SLCO1C1: variants seen among roughly 807,000 people sequenced by gnomAD.
The protein encoded by SLCO1C1 is solute carrier organic anion transporter family member 1C1, also known as OAT-RP-5.
In SLCO1C1, 70 loss-of-function variants were observed where a neutral mutation model predicts 76.4. That is an observed-to-expected ratio of 0.92 (90% CI 0.76 to 1.12). The LOEUF is 1.12. SLCO1C1 is among the 50% of genes most tolerant of loss of function. The pLI is 0.00. For missense variants in SLCO1C1, 912 were observed against 823.8 expected, an observed-to-expected ratio of 1.11 and a Z score of -1.31; for synonymous variants, 306 against 286.1, an observed-to-expected ratio of 1.07 and a Z score of -0.70.
At chr12:20,736,210 G>A (rs1227339012) in intron 10 of SLCO1C1, among the ~76,000 whole-genome samples, 1 of 151,722 alleles carries the variant, frequency 6.6e-6, no homozygotes, top group East Asian at 1.9e-4. Context: ...AAAAAAGTGA[G>A]GGAGAGAGAA....
intron 9 of SLCO1C1, among the ~76,000 whole-genome samples, chr12:20,725,550 T>C (rs906724684): frequency 6.8e-6 from 1 of 147,930 alleles, no homozygotes; most frequent in African/African-American, 2.5e-5. Context: ...GCCACTATGC[T>C]CATTTTTCAT....
At chr12:20,752,273 A>G (rs1453246101) in intron 14 of SLCO1C1, 33 bp from the exon 15 acceptor site, 2 of 1,390,706 alleles carry the variant, frequency 1.4e-6, no homozygotes, top group Non-Finnish European at 1.9e-6. Flanking sequence ...TGGTTGTTGC[A>G]TTAATTATAA....
At chr12:20,752,228 TATG>T in intron 14 of SLCO1C1, 75 bp from the exon 15 acceptor site, 2 of 918,206 alleles carry the variant, frequency 2.2e-6, no homozygotes, top group South Asian at 4.8e-5. Context: ...AAACCATCAG[TATG>T]ATATTATTAC....
At chr12:20,699,139 A>G (rs1262600711) in intron 1 of SLCO1C1, among the ~76,000 whole-genome samples, 1 of 152,076 alleles carries the variant, frequency 6.6e-6, no homozygotes, top group Non-Finnish European at 1.5e-5. Flanking sequence ...TTTGCTAAGA[A>G]GATAGATTTA....
At chr12:20,752,239 T>TA (rs1949343598) in intron 14 of SLCO1C1, 67 bp from the exon 15 acceptor site, 1 of 1,062,790 alleles carries the variant, frequency 9.4e-7, no homozygotes, top group Admixed American at 2.6e-5. Flanking sequence ...ATGATATTAT[T>TA]ACCTTTTAAA....
chr12:20,725,276 ATATATAT>A (rs929145065), intron 9 of SLCO1C1, among the ~76,000 whole-genome samples: 2 of 141,666 alleles, frequency 1.4e-5, no homozygotes, highest in African/African-American at 5.1e-5. Flanking sequence ...TATTAATATA[ATATATAT>A]TATATTATTT....
chr12:20,740,199 A>G lies in SLCO1C1; in HGVS notation c.1564A>G (p.Thr522Ala). The G allele has an allele frequency of 6.2e-7, 1 of 1,611,508 alleles. No individual in the cohort carries two copies. The highest frequency in any genetic ancestry group is 8.5e-7 in the Non-Finnish European group (1 of 1,179,184). The part of the protein sequence containing the change: ...SGKNIIFYNC[T>A]CVGIAASKSG... Reference sequence around the variant, plus strand: ...CGTGTTACAGATATTTTACAACTGCACTTGTGTGGGAATTGCAGCTTCTAA... The same window carrying G: ...CGTGTTACAGATATTTTACAACTGCGCTTGTGTGGGAATTGCAGCTTCTAA... Residue 522 changes from threonine (T) to alanine (A), a missense_variant, in exon 12 of 15, where the codon ACT (threonine) becomes GCT (alanine). Transcript: ENST00000266509.
chr12:20,715,313 C>A, intron 6 of SLCO1C1, 28 bp downstream of exon 6: 2 of 1,609,216 alleles, frequency 1.2e-6, no homozygotes, highest in South Asian at 2.2e-5. Flanking sequence ...CTTCACTTAT[C>A]TTCTTGGGAA....
rs182829879 is a variant in SLCO1C1, at chr12:20,703,435, C to T, written c.271+1976C>T. ...TGTTGTTGTTGATATTACCTTATTA[C>T]ATTAGCCTCAGAACTGTGTTGAAGA... On this transcript the variant is annotated intron_variant, in intron 3 of 14. Transcript: ENST00000266509. Among the ~76,000 whole-genome samples, 361 of 151,742 alleles carry T rather than the reference C, an allele frequency of 2.4e-3. 2 individuals carry two copies. The highest frequency in any genetic ancestry group is 0.02 in the South Asian group (95 of 4,826).
intron 14 of SLCO1C1, among the ~76,000 whole-genome samples, chr12:20,751,660 T>C (rs527344030): frequency 6.6e-6 from 1 of 152,174 alleles, no homozygotes; most frequent in Non-Finnish European, 1.5e-5. Flanking sequence ...CTGTATTAAC[T>C]GTAATGTAGA....
intron 9 of SLCO1C1, among the ~76,000 whole-genome samples, chr12:20,727,661 C>A (rs145658190): frequency 6.6e-6 from 1 of 152,152 alleles, no homozygotes; most frequent in Non-Finnish European, 1.5e-5. Context: ...AGGCGCCCGC[C>A]ACCACGCCCG....
At chr12:20,703,902 T>C (rs1946644139) in intron 3 of SLCO1C1, among the ~76,000 whole-genome samples, 1 of 151,514 alleles carries the variant, frequency 6.6e-6, no homozygotes, top group Non-Finnish European at 1.5e-5. Flanking sequence ...AAAATAGTAG[T>C]CTTACAAGAT....
intron 12 of SLCO1C1, among the ~76,000 whole-genome samples, chr12:20,741,042 G>A (rs574452672): frequency 2.0e-5 from 3 of 151,904 alleles, no homozygotes; most frequent in Admixed American, 6.6e-5. Flanking sequence ...AAATAGTGGG[G>A]GAAGAGGAAA....
At chr12:20,728,357 C>T (rs1028375103) in intron 9 of SLCO1C1, among the ~76,000 whole-genome samples, 3 of 152,002 alleles carry the variant, frequency 2.0e-5, no homozygotes, top group African/African-American at 7.2e-5. Flanking sequence ...TAAGCTTCTC[C>T]TATAAATATT....
At chr12:20,700,187 T>C (rs75179526) in intron 2 of SLCO1C1, 3,108 of 152,102 alleles carry the variant, frequency 0.02, 44 homozygotes, top group Middle Eastern at 0.034. Flanking sequence ...CATCAACTTA[T>C]GTAACCACTA....
intron 11 of SLCO1C1, among the ~76,000 whole-genome samples, chr12:20,737,965 G>A (rs1294929341): frequency 6.6e-6 from 1 of 152,094 alleles, no homozygotes; most frequent in Non-Finnish European, 1.5e-5. Context: ...CAAGATCAAG[G>A]TGCCAGCAGA....
At position 20,740,195 on chromosome 12, in the gene SLCO1C1, C is replaced by G; in HGVS notation, c.1560C>G (p.Asn520Lys). 6.2e-7 allele frequency: 1 copy of G among 1,610,630 alleles called. No homozygotes were observed. Among genetic ancestry groups the G allele is most frequent in the Non-Finnish European group, 8.5e-7 (1 of 1,178,936 alleles). ...NRSGKNIIFY[N>K]CTCVGIAASK... ...CTATCGTGTTACAGATATTTTACAA[C>G]TGCACTTGTGTGGGAATTGCAGCTT... The change falls in exon 12 of 15, where the codon AAC becomes AAG. Residue 520 changes from asparagine (N) to lysine (K), a missense_variant. Physicochemically the swap from Asn to Lys is moderately conservative, Grantham distance 94. Coordinates refer to ENST00000266509, the MANE Select transcript of SLCO1C1 (RefSeq NM_017435.5).
intron 9 of SLCO1C1, among the ~76,000 whole-genome samples, chr12:20,729,335 A>C (rs1282968201): frequency 1.3e-5 from 2 of 152,158 alleles, no homozygotes; most frequent in Admixed American, 6.5e-5. Context: ...TTGAAATAGG[A>C]GAGTAAGATA....
intron 14 of SLCO1C1, among the ~76,000 whole-genome samples, chr12:20,752,054 G>A (rs575877200): frequency 1.3e-5 from 2 of 152,150 alleles, no homozygotes; most frequent in East Asian, 1.9e-4. Flanking sequence ...CCTGGTCTAA[G>A]GAAATAATTT....
Sources: gnomAD v4.1 joint callset for allele counts (sites outside exome capture counted in the v4.1 genomes callset) on GRCh38, gnomAD v4.1.1 for gene constraint, MANE v1.5 for transcripts, NCBI Gene and HGNC (gene_info 2026-07-23, HGNC 2026-07-21) for gene names.